Variants in SUMF1 observed in about 807,000 individuals in gnomAD.
The protein encoded by SUMF1 is sulfatase modifying factor 1, also known as formylglycine-generating enzyme.
A neutral mutation model predicts 47.6 loss-of-function variants in SUMF1; 48 were observed. The observed-to-expected ratio is 1.01, with a 90% CI of 0.80 to 1.28. SUMF1 has a LOEUF of 1.28. Ranked by LOEUF, SUMF1 falls within the 50% of genes most tolerant of loss-of-function variation. The pLI is 0.00. For missense variants in SUMF1, 571 were observed against 485.4 expected (o/e 1.18, Z -1.66); for synonymous variants, 230 against 192.1 (o/e 1.20, Z -1.63).
At chr3:4,144,255 T>C (rs7627630) in intron 8 of SUMF1, among the ~76,000 whole-genome samples, 5,787 of 152,096 alleles carry the variant, frequency 0.038, 387 homozygotes, top group African/African-American at 0.13. Context: ...GCATGAGCCA[T>C]AGCACTCGGC....
intron 8 of SUMF1, among the ~76,000 whole-genome samples, chr3:4,348,316 G>T (rs977693792): frequency 6.6e-6 from 1 of 152,140 alleles, no homozygotes; most frequent in Admixed American, 6.5e-5. Context: ...CATGGTACTG[G>T]TACCAAAACA....
At chr3:4,201,238 T>TAAAATAAATAAAA (rs1294529660) in intron 8 of SUMF1, among the ~76,000 whole-genome samples, 3 of 152,134 alleles carry the variant, frequency 2.0e-5, no homozygotes, top group Non-Finnish European at 4.4e-5. Context: ...TTATTTATTC[T>TAAAATAAATAAAA]ATATAACTAT....
At chr3:4,452,083 C>G (rs1702992525) in intron 2 of SUMF1, among the ~76,000 whole-genome samples, 1 of 151,742 alleles carries the variant, frequency 6.6e-6, no homozygotes, top group African/African-American at 2.4e-5. Flanking sequence ...AACATTCACT[C>G]TCAAATTATT....
intron 7 of SUMF1, among the ~76,000 whole-genome samples, chr3:4,392,463 T>C (rs1233846661): frequency 6.6e-6 from 1 of 151,836 alleles, no homozygotes; most frequent in Admixed American, 6.6e-5. Context: ...GGGTCACACT[T>C]TCTTGTTAGT....
At position 4,201,862 on chromosome 3, in the gene SUMF1, C is replaced by T. The variant is rs371374701; in HGVS notation, c.1015-133117G>A. ...TATCCCATTGTAATTTTAATTTGCA[C>T]TTTTCTGATGTTAAGCACCTTTTCA... On this transcript the variant is annotated intron_variant and NMD_transcript_variant, in intron 8 of 12. Transcript: ENST00000448413. Among the ~76,000 whole-genome samples the T allele has an allele frequency of 5.7e-3, 859 of 151,984 alleles. 4 individuals are homozygous for T. The highest frequency in any genetic ancestry group is 0.031 in the Middle Eastern group (9 of 294).
At chr3:4,183,949 T>C (rs1240281464) in intron 8 of SUMF1, among the ~76,000 whole-genome samples, 1 of 151,606 alleles carries the variant, frequency 6.6e-6, no homozygotes, top group Non-Finnish European at 1.5e-5. Flanking sequence ...GCCAACATGG[T>C]GAAATCCCGT....
intron 8 of SUMF1, among the ~76,000 whole-genome samples, chr3:4,367,048 G>A (rs946992240): frequency 5.2e-4 from 79 of 152,242 alleles, no homozygotes; most frequent in Admixed American, 1.0e-3. Context: ...TGTGAACCGC[G>A]AATGCTGCTG....
intron 8 of SUMF1, among the ~76,000 whole-genome samples, chr3:4,275,396 G>A (rs568301386): frequency 5.3e-5 from 8 of 152,178 alleles, no homozygotes; most frequent in Non-Finnish European, 1.0e-4. Context: ...GCAGTAAAAT[G>A]GACTACTTCC....
chr3:4,153,830 T>G (rs1694393463), intron 8 of SUMF1, among the ~76,000 whole-genome samples: 1 of 151,582 alleles, frequency 6.6e-6, no homozygotes, highest in East Asian at 1.9e-4. Flanking sequence ...TAATTTAATA[T>G]AAAATTTTTT....
intron 8 of SUMF1, among the ~76,000 whole-genome samples, chr3:4,366,942 A>C (rs1699983900): frequency 6.6e-6 from 1 of 152,048 alleles, no homozygotes; most frequent in Non-Finnish European, 1.5e-5. Flanking sequence ...AACAGACAGG[A>C]CCCTCAGCTG....
At chr3:4,234,467 C>T (rs970677634) in intron 8 of SUMF1, among the ~76,000 whole-genome samples, 1 of 152,026 alleles carries the variant, frequency 6.6e-6, no homozygotes, top group African/African-American at 2.4e-5. Context: ...TATGTAGATG[C>T]TGGATGGTAT....
chr3:4,106,432 G>C (rs911770480), intron 8 of SUMF1, among the ~76,000 whole-genome samples: 1 of 152,110 alleles, frequency 6.6e-6, no homozygotes, highest in African/African-American at 2.4e-5. Context: ...CCCTTCAAGA[G>C]ATAACTGACA....
At chr3:4,407,607 A>G (rs956484156) in intron 7 of SUMF1, among the ~76,000 whole-genome samples, 1 of 152,216 alleles carries the variant, frequency 6.6e-6, no homozygotes, top group Non-Finnish European at 1.5e-5. Flanking sequence ...TTTGCTAAGC[A>G]CTAGAGATAC....
chr3:4,313,316 A>G, intron 8 of SUMF1: 1 of 1,614,026 alleles, frequency 6.2e-7, no homozygotes, highest in Non-Finnish European at 8.5e-7. Flanking sequence ...GACTCCAATT[A>G]CATTATAGCC....
In SUMF1 at chr3:4,053,461, T is replaced by C. The variant is rs528936503; in HGVS notation, c.1191+15108A>G. 3.9e-5 allele frequency among the ~76,000 whole-genome samples: 6 copies of C among 152,298 alleles called. No homozygotes were observed. The South Asian group carries it at 1.2e-3, about 32-fold the overall frequency. ...GTTGGATAAATGGCACCAATAGCCTTGCTTTACGCAAGGTTGCCACAAACC... is the reference window on the plus strand; with the variant it reads ...GTTGGATAAATGGCACCAATAGCCTCGCTTTACGCAAGGTTGCCACAAACC... On this transcript the variant is annotated intron_variant and NMD_transcript_variant, in intron 9 of 12. Coordinates refer to the SUMF1 transcript ENST00000448413.
intron 8 of SUMF1, among the ~76,000 whole-genome samples, chr3:4,102,249 A>C (rs1012971654): frequency 6.6e-6 from 1 of 152,180 alleles, no homozygotes; most frequent in Non-Finnish European, 1.5e-5. Flanking sequence ...ATTCTGAAAG[A>C]CCAGGAGGTT....
intron 8 of SUMF1, among the ~76,000 whole-genome samples, chr3:4,208,667 A>G (rs1425385968): frequency 6.6e-6 from 1 of 152,114 alleles, no homozygotes; most frequent in African/African-American, 2.4e-5. Flanking sequence ...CATCAAAAAC[A>G]CTGTAGTAGA....
At chr3:4,097,458 C>T (rs1483680719) in intron 8 of SUMF1, among the ~76,000 whole-genome samples, 1 of 151,978 alleles carries the variant, frequency 6.6e-6, no homozygotes, top group Non-Finnish European at 1.5e-5. Context: ...GAGGCTGAGG[C>T]AGGAGAATCG....
At chr3:4,390,787 T>G (rs1700837498) in intron 7 of SUMF1, among the ~76,000 whole-genome samples, 2 of 152,196 alleles carry the variant, frequency 1.3e-5, no homozygotes, top group Admixed American at 1.3e-4. Flanking sequence ...TTTGTCATGT[T>G]GCCTAGGCTG....
Sources: allele counts gnomAD v4.1 joint callset (sites outside exome capture counted in the v4.1 genomes callset), GRCh38; gene constraint gnomAD v4.1.1; transcripts MANE v1.5; gene names NCBI Gene and HGNC (gene_info 2026-07-23, HGNC 2026-07-21).